Variants in ELMOD1 observed in about 807,000 individuals in gnomAD.
ELMOD1 encodes ELMO domain-containing protein 1.
A neutral mutation model predicts 46.7 loss-of-function variants in ELMOD1; 21 were observed. That is an observed-to-expected ratio of 0.45 (90% CI 0.32 to 0.65). ELMOD1 has a LOEUF of 0.65. ELMOD1 is among the 30% of genes least tolerant of loss of function. The pLI is 0.04. For synonymous variants in ELMOD1, 122 were observed against 138.2 expected (o/e 0.88, Z 0.82); for missense variants, 348 against 407.8 (o/e 0.85, Z 1.26).
intron 1 of ELMOD1, chr11:107,592,628 C>G (rs570388058): frequency 3.5e-6 from 1 of 286,838 alleles, no homozygotes; most frequent in Non-Finnish European, 7.2e-6. Flanking sequence ...TGGTATTTTG[C>G]CAAAGGCACA....
chr11:107,640,458 G>C (rs895792307), intron 6 of ELMOD1, among the ~76,000 whole-genome samples: 1 of 152,092 alleles, frequency 6.6e-6, no homozygotes, highest in African/African-American at 2.4e-5. Flanking sequence ...GCTGGGCACT[G>C]TTCAAAGCCA....
At chr11:107,636,269 G>C (rs1181434272) in intron 6 of ELMOD1, among the ~76,000 whole-genome samples, 1 of 152,156 alleles carries the variant, frequency 6.6e-6, no homozygotes, top group Non-Finnish European at 1.5e-5. Context: ...TGGCACACTA[G>C]AACTTCTGGA....
intron 10 of ELMOD1, among the ~76,000 whole-genome samples, chr11:107,655,209 C>T (rs951294978): frequency 1.3e-5 from 2 of 152,078 alleles, no homozygotes; most frequent in Non-Finnish European, 2.9e-5. Flanking sequence ...TTATATCCTG[C>T]TGAAATCGTC....
At chr11:107,624,145 A>G (rs1866001665) in intron 2 of ELMOD1, among the ~76,000 whole-genome samples, 3 of 152,226 alleles carry the variant, frequency 2.0e-5, no homozygotes, top group Non-Finnish European at 4.4e-5. Context: ...TGGAGCATGA[A>G]TAATACCTTT....
chr11:107,651,004 T>A, intron 9 of ELMOD1, 96 bp downstream of exon 9: 1 of 711,670 alleles, frequency 1.4e-6, no homozygotes, highest in South Asian at 2.8e-5. Context: ...TTTATTTGTT[T>A]CAAAAAGCCA....
intron 6 of ELMOD1, among the ~76,000 whole-genome samples, chr11:107,644,275 G>A (rs988538335): frequency 2.6e-5 from 4 of 151,524 alleles, no homozygotes; most frequent in Non-Finnish European, 4.4e-5. Context: ...CAGCCTGGGC[G>A]GCAGAGTGAG....
At chr11:107,612,924 A>G (rs1865803957) in intron 1 of ELMOD1, among the ~76,000 whole-genome samples, 1 of 152,028 alleles carries the variant, frequency 6.6e-6, no homozygotes, top group Non-Finnish European at 1.5e-5. Flanking sequence ...TGTTTGGGGG[A>G]CAGATAATGA....
intron 2 of ELMOD1, among the ~76,000 whole-genome samples, chr11:107,628,319 A>T (rs1311539169): frequency 6.6e-6 from 1 of 152,070 alleles, no homozygotes; most frequent in African/African-American, 2.4e-5. Flanking sequence ...GGCATGTGCC[A>T]CCACGCCCAG....
At chr11:107,637,346 T>G (rs1432640213) in intron 6 of ELMOD1, among the ~76,000 whole-genome samples, 1 of 152,204 alleles carries the variant, frequency 6.6e-6, no homozygotes, top group Non-Finnish European at 1.5e-5. Flanking sequence ...AGGCATCATT[T>G]CTGCCCTCAA....
chr11:107,664,100 G>A (rs768447888), intron 11 of ELMOD1, among the ~76,000 whole-genome samples: 1 of 152,044 alleles, frequency 6.6e-6, no homozygotes, highest in Non-Finnish European at 1.5e-5. Context: ...ATCCACCTCA[G>A]CCTCCCAAAC....
At chr11:107,649,470 C>T (rs572199) in intron 7 of ELMOD1, among the ~76,000 whole-genome samples, 5 of 152,158 alleles carry the variant, frequency 3.3e-5, no homozygotes, top group African/African-American at 1.2e-4. Flanking sequence ...ATATTATTCT[C>T]TATAAGGTTA....
At chr11:107,606,748 T>G (rs1256201567) in intron 1 of ELMOD1, among the ~76,000 whole-genome samples, 1 of 151,910 alleles carries the variant, frequency 6.6e-6, no homozygotes, top group Non-Finnish European at 1.5e-5. Context: ...GGCAGGAAAA[T>G]TGCTTGAACC....
chr11:107,618,129 A>G lies in ELMOD1; in HGVS notation c.-61A>G. 6.5e-7 allele frequency: 1 copy of G among 1,544,932 alleles called. No individual in the cohort carries two copies. The highest frequency in any genetic ancestry group is 8.8e-7 in the Non-Finnish European group (1 of 1,139,834). ...GTTGACACTTACTTTGACAAAGGCA[A>G]ATTTGGAAGCAATTACTTGAGGACA... On this transcript the variant is annotated 5_prime_UTR_variant, in exon 2 of 12. Coordinates refer to ENST00000265840, the MANE Select transcript of ELMOD1 (RefSeq NM_018712.4).
At chr11:107,615,669 G>A (rs906012711) in intron 1 of ELMOD1, among the ~76,000 whole-genome samples, 20 of 151,878 alleles carry the variant, frequency 1.3e-4, no homozygotes, top group Non-Finnish European at 2.5e-4. Context: ...TCTATTCCAG[G>A]ATCCAATCAG....
At position 107,630,487 on chromosome 11, in the gene ELMOD1, A is replaced by C; in HGVS notation, c.88A>C (p.Lys30Gln). 6.2e-7 allele frequency: 1 copy of C among 1,608,804 alleles called. No homozygotes were observed. The highest frequency in any genetic ancestry group is 8.5e-7 in the Non-Finnish European group (1 of 1,177,430). ...LWRCLKFVMR[K>Q]LTGRCELQRI... ...GCGCTGCCTGAAATTTGTAATGAGG[A>C]AGCTAACTGGAAGATGTGAACTACA... Residue 30 changes from lysine (K) to glutamine (Q), a missense_variant, in exon 3 of 12, where the codon AAG becomes CAG. By Grantham distance (53) the Lys-to-Gln change is moderately conservative. Coordinates refer to ENST00000265840, the MANE Select transcript of ELMOD1 (RefSeq NM_018712.4).
chr11:107,623,024 T>C (rs1396381278), intron 2 of ELMOD1, among the ~76,000 whole-genome samples: 1 of 152,164 alleles, frequency 6.6e-6, no homozygotes, highest in African/African-American at 2.4e-5. Flanking sequence ...GTGCACAACG[T>C]GCAGGTTTGT....
At chr11:107,604,548 T>G (rs910889384) in intron 1 of ELMOD1, among the ~76,000 whole-genome samples, 6 of 152,164 alleles carry the variant, frequency 3.9e-5, no homozygotes, top group African/African-American at 1.4e-4. Context: ...GATACTTTTT[T>G]CCCCCACATC....
At chr11:107,658,884 G>A (rs1001971413) in intron 11 of ELMOD1, among the ~76,000 whole-genome samples, 16 of 152,214 alleles carry the variant, frequency 1.1e-4, no homozygotes, top group Non-Finnish European at 2.4e-4. Context: ...GTAGTGAGCC[G>A]AGATTGTGCC....
rs1158959401 is a variant in ELMOD1, at chr11:107,638,879, G to A, written c.420+3114G>A. Among the ~76,000 whole-genome samples, 5 of 152,312 alleles carry A rather than the reference G, an allele frequency of 3.3e-5. No homozygotes were observed. In the East Asian group the frequency reaches 9.6e-4, roughly 29 times the overall value. On this transcript the variant is annotated intron_variant, in intron 6 of 11. Coordinates refer to ENST00000265840, the MANE Select transcript of ELMOD1 (RefSeq NM_018712.4). ...ACAAAGTTTGTGCCCAGGCACAGTGGCTCACACCTGTAATCCCAGCACTCT... is the reference window on the plus strand; with the variant it reads ...ACAAAGTTTGTGCCCAGGCACAGTGACTCACACCTGTAATCCCAGCACTCT...
Sources: allele counts gnomAD v4.1 joint callset (sites outside exome capture counted in the v4.1 genomes callset), GRCh38; gene constraint gnomAD v4.1.1; transcripts MANE v1.5; gene names NCBI Gene and HGNC (gene_info 2026-07-23, HGNC 2026-07-21).